ZNF540: variants seen among roughly 807,000 people sequenced by gnomAD.
ZNF540 encodes CTD-3064H18.6.
In ZNF540, 3 loss-of-function variants were observed where a neutral mutation model predicts 11.8. That is an observed-to-expected ratio of 0.25 (90% CI 0.12 to 0.65). The LOEUF is 0.65. Among genes scored for constraint, ZNF540 ranks in the 30% least tolerant of loss-of-function variants. The pLI, the probability that ZNF540 is intolerant of heterozygous loss-of-function variation, is 0.83. For missense variants in ZNF540, 709 were observed against 793.1 expected, an observed-to-expected ratio of 0.89 and a Z score of 1.27; for synonymous variants, 247 against 259.0, an observed-to-expected ratio of 0.95 and a Z score of 0.45.
intron 1 of ZNF540, chr19:37,563,673 A>G (rs574567983): frequency 9.2e-5 from 14 of 152,104 alleles, no homozygotes; most frequent in African/African-American, 3.4e-4. Context: ...TATGGGGACT[A>G]TATACACACG....
intron 1 of ZNF540, among the ~76,000 whole-genome samples, chr19:37,584,623 C>T (rs887190824): frequency 4.6e-5 from 7 of 152,100 alleles, no homozygotes; most frequent in Admixed American, 1.3e-4. Context: ...GGACATATTT[C>T]CATTTTACAT....
chr19:37,565,950 T>C, intron 1 of ZNF540: 1 of 1,613,850 alleles, frequency 6.2e-7, no homozygotes, highest in Non-Finnish European at 8.5e-7. Context: ...ATATTATGAT[T>C]TTCCTCATGT....
chr19:37,585,584 T>A (rs888228020), intron 1 of ZNF540: 1 of 152,188 alleles, frequency 6.6e-6, no homozygotes, highest in African/African-American at 2.4e-5. Context: ...AAACCCCTGA[T>A]ATGGAGACAG....
intron 4 of ZNF540, among the ~76,000 whole-genome samples, chr19:37,601,594 T>C (rs2044039875): frequency 6.6e-6 from 1 of 152,176 alleles, no homozygotes; most frequent in Non-Finnish European, 1.5e-5. Context: ...CAAATGAATA[T>C]ATAATATTAA....
intron 1 of ZNF540, chr19:37,586,634 T>C (rs200612719): frequency 1.1e-5 from 18 of 1,613,134 alleles, no homozygotes; most frequent in Admixed American, 6.7e-5. Context: ...AACAAAATGA[T>C]TGTACTTCAA....
chr19:37,606,325 C>T lies in ZNF540; in HGVS notation c.233-5188C>T, dbSNP rs1324252614. Among the ~76,000 whole-genome samples, 6 of 152,196 alleles carry T rather than the reference C, an allele frequency of 3.9e-5. No homozygotes were observed. In the South Asian group the frequency reaches 1.2e-3, roughly 32 times the overall value. Reference sequence around the variant, plus strand: ...CTTATTTTACTTATCTATTTACCAGCGATGGACATTTGTATTGTTTACAGT... The same window carrying T: ...CTTATTTTACTTATCTATTTACCAGTGATGGACATTTGTATTGTTTACAGT... On this transcript the variant is annotated intron_variant, in intron 4 of 4. Transcript: ENST00000316433.
chr19:37,589,918 C>CA (rs1449009901), upstream of ZNF540, among the ~76,000 whole-genome samples: 1 of 123,864 alleles, frequency 8.1e-6, no homozygotes, highest in East Asian at 2.6e-4. Context: ...GAGGAAACAT[C>CA]AAACACATAC....
intron 1 of ZNF540, among the ~76,000 whole-genome samples, chr19:37,552,934 G>A (rs1474826678): frequency 1.3e-5 from 2 of 151,634 alleles, no homozygotes; most frequent in Non-Finnish European, 2.9e-5. Flanking sequence ...GTGACGGGGT[G>A]AGACTCTGTC....
In ZNF540 at chr19:37,565,382, T is replaced by G. The variant is rs1006322983; in HGVS notation, c.-73+13717T>G. ...ATGAATTCTCTGATGTTCATTCAGT[T>G]GGGAGGCACATAAAAAGGCTTTCCC... On this transcript the variant is annotated intron_variant, in intron 1 of 4. Coordinates refer to the ZNF540 transcript ENST00000592533. The G allele has an allele frequency of 6.2e-7, 1 of 1,613,752 alleles. No individual in the cohort carries two copies. Among genetic ancestry groups the G allele is most frequent in the African/African-American group, 1.3e-5 (1 of 74,898 alleles).
chr19:37,590,422 AAAG>A (rs569810345), upstream of ZNF540, among the ~76,000 whole-genome samples: 25 of 137,848 alleles, frequency 1.8e-4, no homozygotes, highest in South Asian at 3.0e-3. Context: ...GTTTCAAAAA[AAAG>A]AAGAAGAAAA....
intron 1 of ZNF540, among the ~76,000 whole-genome samples, chr19:37,588,796 G>A (rs1432384404): frequency 1.3e-5 from 2 of 152,158 alleles, no homozygotes; most frequent in Non-Finnish European, 2.9e-5. Context: ...TCTGATCTCT[G>A]GGGAAAGGTG....
chr19:37,566,785 C>A (rs527509269), intron 1 of ZNF540, among the ~76,000 whole-genome samples: 22 of 152,254 alleles, frequency 1.4e-4, no homozygotes, highest in Non-Finnish European at 2.5e-4. Context: ...CAGAGGAATT[C>A]TTTTAAAATG....
intron 1 of ZNF540, chr19:37,555,639 C>G: frequency 4.2e-6 from 2 of 476,658 alleles, no homozygotes; most frequent in East Asian, 7.5e-5. Flanking sequence ...ACAGTTAAAT[C>G]AACTTTGTTA....
At chr19:37,561,532 A>AAGAT (rs2042717421) in intron 1 of ZNF540, among the ~76,000 whole-genome samples, 1 of 152,216 alleles carries the variant, frequency 6.6e-6, no homozygotes, top group African/African-American at 2.4e-5. Flanking sequence ...GGTTAAACAA[A>AAGAT]AGATAGTATT....
intron 1 of ZNF540, among the ~76,000 whole-genome samples, chr19:37,577,631 T>A (rs945567632): frequency 6.6e-6 from 1 of 152,194 alleles, no homozygotes; most frequent in Non-Finnish European, 1.5e-5. Context: ...CTAACTCATA[T>A]ATGTAGCAAA....
Position 37,613,320 on chromosome 19 carries a change from C to A in ZNF540, c.*57C>A. Reference sequence around the variant, plus strand: ...TTATAGAATATCAAAATATTTATGGCCAGAAGTTCTGTCAATGTGTTGATG... The same window carrying A: ...TTATAGAATATCAAAATATTTATGGACAGAAGTTCTGTCAATGTGTTGATG... On this transcript the variant is annotated 3_prime_UTR_variant, in exon 5 of 5. Coordinates refer to ENST00000316433, the MANE Select transcript of ZNF540 (RefSeq NM_001172225.3). 1 of 1,251,686 alleles carries A rather than the reference C, an allele frequency of 8.0e-7. No individual in the cohort carries two copies. The highest frequency in any genetic ancestry group is 1.1e-6 in the Non-Finnish European group (1 of 944,692). The allele number at this position is 1,251,686 out of a possible 1,614,324, so 77.5% of individuals were successfully genotyped here.
Position 37,567,157 on chromosome 19 carries a change from A to G in ZNF540, c.-73+15492A>G, listed in dbSNP as rs187842220. On this transcript the variant is annotated intron_variant, in intron 1 of 4. Transcript: ENST00000592533. ...AAACATCCAACACATAATTGTACCT[A>G]TATTGCATTTTTCACTAATGGATAT... Among the ~76,000 whole-genome samples, 6 of 152,292 alleles carry G rather than the reference A, an allele frequency of 3.9e-5. No homozygotes were observed. The Middle Eastern group carries it at 0.01, about 259-fold the overall frequency.
intron 1 of ZNF540, among the ~76,000 whole-genome samples, chr19:37,578,455 G>C (rs1308100494): frequency 6.6e-6 from 1 of 152,168 alleles, no homozygotes; most frequent in Non-Finnish European, 1.5e-5. Flanking sequence ...TGGGCCACTA[G>C]ACCAACACAG....
intron 1 of ZNF540, among the ~76,000 whole-genome samples, chr19:37,582,938 A>G (rs185165199): frequency 8.5e-5 from 13 of 152,328 alleles, no homozygotes; most frequent in Non-Finnish European, 1.5e-4. Flanking sequence ...GCAAAAAGTC[A>G]GCCAGGGGCT....
Sources: gnomAD v4.1 joint callset for allele counts (sites outside exome capture counted in the v4.1 genomes callset) on GRCh38, gnomAD v4.1.1 for gene constraint, MANE v1.5 for transcripts, NCBI Gene and HGNC (gene_info 2026-07-23, HGNC 2026-07-21) for gene names.